ASIC2: variants seen among roughly 807,000 people sequenced by gnomAD.
The protein encoded by ASIC2 is acid sensing ion channel subunit 2.
ASIC2 carries 25 observed loss-of-function variants against 57.3 expected under a neutral mutation model. That is an observed-to-expected ratio of 0.44 (90% CI 0.32 to 0.61). ASIC2 has a LOEUF of 0.61. Ranked by LOEUF, ASIC2 falls within the 20% of genes least tolerant of loss-of-function variation. ASIC2 has a pLI of 0.06. For missense variants in ASIC2, 641 were observed against 738.1 expected, an observed-to-expected ratio of 0.87 and a Z score of 1.52; for synonymous variants, 319 against 307.5, an observed-to-expected ratio of 1.04 and a Z score of -0.39.
intron 1 of ASIC2, among the ~76,000 whole-genome samples, chr17:33,803,593 T>TC (rs1471519730): frequency 2.0e-5 from 3 of 149,978 alleles, no homozygotes; most frequent in East Asian, 1.9e-4. Flanking sequence ...TTTCTTTTTT[T>TC]TTTTTTTTTT....
At chr17:33,979,122 G>A (rs1905506897) in intron 1 of ASIC2, among the ~76,000 whole-genome samples, 1 of 152,126 alleles carries the variant, frequency 6.6e-6, no homozygotes, top group Non-Finnish European at 1.5e-5. Flanking sequence ...CAGGAGAGAG[G>A]AGGGTGGGCA....
At chr17:34,105,654 T>TA (rs1567824021) in intron 1 of ASIC2, among the ~76,000 whole-genome samples, 1 of 151,966 alleles carries the variant, frequency 6.6e-6, no homozygotes, top group African/African-American at 2.4e-5. Flanking sequence ...TTACAAAAAA[T>TA]AATGACAGTT....
At chr17:33,488,919 C>T (rs957955421) in intron 1 of ASIC2, among the ~76,000 whole-genome samples, 4 of 152,130 alleles carry the variant, frequency 2.6e-5, no homozygotes, top group Non-Finnish European at 5.9e-5. Context: ...GGATCTGATG[C>T]TGAGTTCCCC....
intron 3 of ASIC2, among the ~76,000 whole-genome samples, chr17:33,062,155 A>G (rs1402157120): frequency 6.6e-6 from 1 of 151,926 alleles, no homozygotes; most frequent in Non-Finnish European, 1.5e-5. Context: ...TTGTGTCTCT[A>G]TCTCCTTCAG....
At chr17:34,111,398 C>T (rs1215789407) in intron 1 of ASIC2, among the ~76,000 whole-genome samples, 1 of 151,212 alleles carries the variant, frequency 6.6e-6, no homozygotes, top group Non-Finnish European at 1.5e-5. Context: ...TACTTTTATA[C>T]ATGGCTTGTG....
intron 1 of ASIC2, among the ~76,000 whole-genome samples, chr17:33,713,831 G>T (rs1357743056): frequency 6.6e-6 from 1 of 152,194 alleles, no homozygotes; most frequent in Non-Finnish European, 1.5e-5. Flanking sequence ...CCTGGGATCT[G>T]GACAATATTT....
chr17:33,816,094 A>C (rs1912571129), intron 1 of ASIC2, among the ~76,000 whole-genome samples: 1 of 140,050 alleles, frequency 7.1e-6, no homozygotes, highest in East Asian at 2.3e-4. Context: ...GCTCTTACAC[A>C]GATGGAAGAG....
chr17:33,415,554 A>T (rs1354212688), intron 1 of ASIC2, among the ~76,000 whole-genome samples: 2 of 150,554 alleles, frequency 1.3e-5, no homozygotes, highest in Non-Finnish European at 3.0e-5. Context: ...GAATTCATTT[A>T]GTTCAAGATG....
chr17:33,134,421 A>G (rs775292791), intron 1 of ASIC2, among the ~76,000 whole-genome samples: 3 of 152,190 alleles, frequency 2.0e-5, no homozygotes, highest in Non-Finnish European at 2.9e-5. Context: ...CAAGGAGCCC[A>G]CTCAGTATTA....
intron 1 of ASIC2, among the ~76,000 whole-genome samples, chr17:34,048,040 C>T (rs969835097): frequency 6.6e-6 from 1 of 152,128 alleles, no homozygotes; most frequent in African/African-American, 2.4e-5. Flanking sequence ...CACAACAGTT[C>T]CAGTTTTTGA....
chr17:33,906,710 A>T (rs1915357946), intron 1 of ASIC2, among the ~76,000 whole-genome samples: 1 of 152,224 alleles, frequency 6.6e-6, no homozygotes, highest in African/African-American at 2.4e-5. Flanking sequence ...CAAGTATCTT[A>T]TAGGACTCTC....
At chr17:33,585,491 G>T (rs965794318) in intron 1 of ASIC2, among the ~76,000 whole-genome samples, 1 of 152,162 alleles carries the variant, frequency 6.6e-6, no homozygotes, top group Non-Finnish European at 1.5e-5. Context: ...GCAGATACCA[G>T]CTGCACTTTT....
At chr17:33,054,969 T>C (rs1249499879) in intron 3 of ASIC2, among the ~76,000 whole-genome samples, 2 of 152,120 alleles carry the variant, frequency 1.3e-5, no homozygotes, top group East Asian at 3.9e-4. Flanking sequence ...ATTGGCCACA[T>C]GGCCTTGGGT....
At chr17:34,082,881 T>C (rs1324822905) in intron 1 of ASIC2, among the ~76,000 whole-genome samples, 2 of 152,224 alleles carry the variant, frequency 1.3e-5, no homozygotes, top group East Asian at 3.8e-4. Flanking sequence ...GTGCTCCTTC[T>C]TCTGCTTCAT....
chr17:33,613,482 A>G (rs1249773161), intron 1 of ASIC2, among the ~76,000 whole-genome samples: 1 of 149,000 alleles, frequency 6.7e-6, no homozygotes, highest in African/African-American at 2.5e-5. Context: ...CTCCTGCCTC[A>G]GCCTCACGAG....
intron 1 of ASIC2, among the ~76,000 whole-genome samples, chr17:33,437,114 C>T (rs1465116601): frequency 6.6e-6 from 1 of 151,812 alleles, no homozygotes; most frequent in Non-Finnish European, 1.5e-5. Flanking sequence ...ATCTGCCCGC[C>T]TCGGCCTCCC....
intron 1 of ASIC2, chr17:33,529,785 G>T (rs528280855): frequency 6.6e-6 from 1 of 152,226 alleles, no homozygotes; most frequent in Non-Finnish European, 1.5e-5. Context: ...GATTAAATGA[G>T]ATACATCATG....
At chr17:33,655,256 C>T (rs1907043580) in intron 1 of ASIC2, among the ~76,000 whole-genome samples, 1 of 152,244 alleles carries the variant, frequency 6.6e-6, no homozygotes, top group Non-Finnish European at 1.5e-5. Context: ...TTGGAGATTA[C>T]TGTGAGAGTT....
chr17:34,014,602 C>A (rs1390820150), intron 1 of ASIC2, among the ~76,000 whole-genome samples: 1 of 152,218 alleles, frequency 6.6e-6, no homozygotes. Context: ...TCTCAAACAC[C>A]AAACGTGGCC....
Sources: gnomAD v4.1 joint callset for allele counts (sites outside exome capture counted in the v4.1 genomes callset) on GRCh38, gnomAD v4.1.1 for gene constraint, MANE v1.5 for transcripts, NCBI Gene and HGNC (gene_info 2026-07-23, HGNC 2026-07-21) for gene names.